Variants in FREM2 observed in about 807,000 individuals in gnomAD.
FREM2 encodes FRAS1 related extracellular matrix 2, also known as FRAS1-related extracellular matrix protein 2.
In FREM2, 119 loss-of-function variants were observed where a neutral mutation model predicts 219.9. The ratio of observed to expected loss-of-function variants is 0.54; its 90% CI spans 0.47 to 0.63. FREM2 has a LOEUF of 0.63. Among genes scored for constraint, FREM2 ranks in the 30% least tolerant of loss-of-function variants. FREM2 has a pLI of 0.00. For synonymous variants in FREM2, 1,562 were observed against 1,522.8 expected (o/e 1.03, Z -0.60); for missense variants, 4,030 against 3,993.6 (o/e 1.01, Z -0.25).
chr13:38,874,572 T>C lies in FREM2; in HGVS notation c.8267T>C (p.Val2756Ala). 1.2e-6 allele frequency: 2 copies of C among 1,613,876 alleles called. No individual in the cohort carries two copies. Among genetic ancestry groups the C allele is most frequent in the Non-Finnish European group, 1.7e-6 (2 of 1,179,740 alleles). The stretch of plus-strand genomic sequence containing the variant: ...GAGGCTCAGTTCCATGGCTTATTTG[T>C]GCTGTCACATCCCGGTAAGCCCCGT... The part of the protein sequence containing the change: ...KTEAQFHGLF[V>A]LSHPASFTSS... Residue 2756 changes from valine (V) to alanine (A), a missense_variant, in exon 18 of 24, where the codon GTG (valine) becomes GCG (alanine). Physicochemically the swap from Val to Ala is moderately conservative, Grantham distance 64. Coordinates refer to ENST00000280481, the MANE Select transcript of FREM2 (RefSeq NM_207361.6).
chr13:38,724,843 C>T (rs987823595), intron 2 of FREM2, among the ~76,000 whole-genome samples: 1 of 152,122 alleles, frequency 6.6e-6, no homozygotes, highest in Non-Finnish European at 1.5e-5. Flanking sequence ...GTTGCAGTAG[C>T]TCTCAAAAAA....
chr13:38,804,633 G>A (rs1593417881), intron 6 of FREM2, among the ~76,000 whole-genome samples: 1 of 152,152 alleles, frequency 6.6e-6, no homozygotes, highest in African/African-American at 2.4e-5. Flanking sequence ...AAGACTAAGA[G>A]AGCAGAGTGT....
At chr13:38,863,791 C>T (rs1342291680) in intron 15 of FREM2, among the ~76,000 whole-genome samples, 1 of 152,072 alleles carries the variant, frequency 6.6e-6, no homozygotes, top group Non-Finnish European at 1.5e-5. Flanking sequence ...TCCTGGGGAA[C>T]CCCAGGGTTC....
intron 15 of FREM2, among the ~76,000 whole-genome samples, chr13:38,862,228 G>A (rs771873635): frequency 6.6e-6 from 1 of 152,182 alleles, no homozygotes; most frequent in African/African-American, 2.4e-5. Flanking sequence ...GAGGAAATAC[G>A]ATTAGGAGCT....
chr13:38,818,825 G>T (rs1860858809), intron 6 of FREM2, among the ~76,000 whole-genome samples: 1 of 151,844 alleles, frequency 6.6e-6, no homozygotes, highest in Non-Finnish European at 1.5e-5. Flanking sequence ...TAGTGGGGCA[G>T]AGGTTGCAGT....
Position 38,690,500 on chromosome 13 carries a change from A to T in FREM2, c.3156A>T (p.Gly1052=). 6.2e-7 allele frequency: 1 copy of T among 1,614,196 alleles called. No homozygotes were observed. The highest frequency in any genetic ancestry group is 8.5e-7 in the Non-Finnish European group (1 of 1,180,034). ...GAATTGGTGGCAATACTATCCAAGGAGTTACTATATGGGTGACCATCCTGC... is the reference window on the plus strand; with the variant it reads ...GAATTGGTGGCAATACTATCCAAGGTGTTACTATATGGGTGACCATCCTGC... ...EWRIGGNTIQ[G]VTIWVTILPV... is the part of the protein sequence containing the mutation. The change falls in exon 1 of 24, where the codon GGA becomes GGT. Residue 1052 remains glycine (G), a synonymous_variant. Transcript: ENST00000280481.
intron 6 of FREM2, among the ~76,000 whole-genome samples, chr13:38,817,586 G>A (rs2137872706): frequency 6.6e-6 from 1 of 152,004 alleles, no homozygotes; most frequent in Middle Eastern, 3.4e-3. Flanking sequence ...AAGGATCTTA[G>A]TGTAAAATCT....
intron 2 of FREM2, among the ~76,000 whole-genome samples, chr13:38,702,634 A>T (rs1252004888): frequency 8.0e-6 from 1 of 125,092 alleles, no homozygotes; most frequent in Non-Finnish European, 1.9e-5. Flanking sequence ...TCAGCATCAG[A>T]TCCAGCTTGT....
chr13:38,781,000 C>T (rs540865757), intron 4 of FREM2, among the ~76,000 whole-genome samples: 2 of 152,348 alleles, frequency 1.3e-5, no homozygotes, highest in South Asian at 2.1e-4. Flanking sequence ...ATAAACAGCA[C>T]TTGCTTGTTC....
In FREM2 at chr13:38,882,424, AT is replaced by A. The variant is rs1045410118; in HGVS notation, c.*1640del. The A allele has an allele frequency of 6.6e-6, 1 of 152,160 alleles. No individual in the cohort carries two copies. Among genetic ancestry groups the A allele is most frequent in the African/African-American group, 2.4e-5 (1 of 41,444 alleles). The allele number at this position is 152,160 out of a possible 1,614,324, so 9.4% of individuals were successfully genotyped here. A position where few individuals can be genotyped will look rare whatever the true frequency, so the allele number is the denominator to read the frequency against. ...AATTTGGTGTCTGTAAGTATCAACC[AT>A]TTCTTGATCAAGATAAGGAAGCAAC... On this transcript the variant is annotated 3_prime_UTR_variant, in exon 24 of 24. Coordinates refer to ENST00000280481, the MANE Select transcript of FREM2 (RefSeq NM_207361.6).
intron 2 of FREM2, among the ~76,000 whole-genome samples, chr13:38,751,397 G>A (rs1475127065): frequency 6.6e-6 from 1 of 152,028 alleles, no homozygotes; most frequent in Non-Finnish European, 1.5e-5. Context: ...TGGTTTTCCA[G>A]CTTATCTCCT....
In FREM2 at chr13:38,719,434, T is replaced by G. The variant is rs186004322; in HGVS notation, c.5263+21647T>G. Among the ~76,000 whole-genome samples, 16 of 152,292 alleles carry G rather than the reference T, an allele frequency of 1.1e-4. No homozygotes were observed. In the East Asian group the frequency reaches 2.7e-3, roughly 26 times the overall value. ...TGGGGTTTCGCCATGTTGGCCAGGC[T>G]GGTTCCGAACCCCTGACCTTAGGTG... On this transcript the variant is annotated intron_variant, in intron 2 of 23. Transcript: ENST00000280481.
Position 38,848,449 on chromosome 13 carries a change from T to C in FREM2, c.6170-12T>C, listed in dbSNP as rs1452367103. 1 of 1,599,072 alleles carries C rather than the reference T, an allele frequency of 6.3e-7. No individual in the cohort carries two copies. The highest frequency in any genetic ancestry group is 8.6e-7 in the Non-Finnish European group (1 of 1,166,444). The stretch of plus-strand genomic sequence containing the variant: ...TAGTCCCCAACTGAATATTTTTTTG[T>C]TACTGTCATAGCTGGAACAGACTAT... On this transcript the variant is annotated splice_polypyrimidine_tract_variant and intron_variant, in intron 7 of 23. Transcript: ENST00000280481.
At chr13:38,878,599 A>G (rs1243811144) in intron 22 of FREM2, among the ~76,000 whole-genome samples, 1 of 151,740 alleles carries the variant, frequency 6.6e-6, no homozygotes, top group East Asian at 2.0e-4. Context: ...AAGATTGCTT[A>G]AGTCAGGAAG....
chr13:38,696,039 G>A (rs1217944917), intron 1 of FREM2, among the ~76,000 whole-genome samples: 7 of 152,110 alleles, frequency 4.6e-5, no homozygotes, highest in Non-Finnish European at 2.9e-5. Context: ...CTGGCTAGGT[G>A]GCTTACACCT....
At chr13:38,730,612 T>C (rs746728539) in intron 2 of FREM2, among the ~76,000 whole-genome samples, 1 of 152,180 alleles carries the variant, frequency 6.6e-6, no homozygotes, top group African/African-American at 2.4e-5. Flanking sequence ...ACCTGACCTC[T>C]TCCTCAGGCA....
At chr13:38,697,191 T>C (rs190299828) in intron 1 of FREM2, among the ~76,000 whole-genome samples, 31 of 152,318 alleles carry the variant, frequency 2.0e-4, no homozygotes, top group African/African-American at 7.2e-4. Flanking sequence ...CATCTTATTT[T>C]TTTCTCTCAA....
At position 38,690,348 on chromosome 13, in the gene FREM2, G is replaced by A; in HGVS notation, c.3004G>A (p.Glu1002Lys). The A allele has an allele frequency of 6.2e-7, 1 of 1,614,212 alleles. No individual in the cohort carries two copies. The highest frequency in any genetic ancestry group is 8.5e-7 in the Non-Finnish European group (1 of 1,180,046). Residue 1002 changes from glutamate to lysine, a missense_variant, in exon 1 of 24, where the codon GAG (glutamate) becomes AAG (lysine). Physicochemically the swap from Glu to Lys is moderately conservative, Grantham distance 56 (BLOSUM62 1). This residue lies in a region of FREM2 where 3,102 missense variants were observed against 2,950.7 expected (regional missense o/e 1.05). Transcript: ENST00000280481. ...GEILVNGIPA[E>K]QFTQRDILEG... ...AATCTTGGTCAATGGCATTCCAGCA[G>A]AGCAGTTTACTCAAAGGGACATCTT...
In FREM2 at chr13:38,814,598, C is replaced by CA. The variant is rs1875687279; in HGVS notation, c.6019+29791dup. 3.9e-5 allele frequency among the ~76,000 whole-genome samples: 6 copies of CA among 152,272 alleles called. No homozygotes were observed. In the South Asian group the frequency reaches 1.2e-3, roughly 32 times the overall value. On this transcript the variant is annotated intron_variant, in intron 6 of 23. Transcript: ENST00000280481. Reference sequence around the variant, plus strand: ...CACCACTGTTGGAACTATGCTGAGTCACACCTGAAGCCTGTAAAGTACTGA... The same window carrying CA: ...CACCACTGTTGGAACTATGCTGAGTCAACACCTGAAGCCTGTAAAGTACTGA...
Sources: gnomAD v4.1 joint callset for allele counts (sites outside exome capture counted in the v4.1 genomes callset) on GRCh38, gnomAD v4.1.1 for gene constraint, gnomAD v4.1.1 regional missense constraint, MANE v1.5 for transcripts, NCBI Gene and HGNC (gene_info 2026-07-23, HGNC 2026-07-21) for gene names.